THRB: variants seen among roughly 807,000 people sequenced by gnomAD.
The protein encoded by THRB is thyroid hormone receptor beta, also known as nuclear receptor subfamily 1 group A member 2.
Under a neutral mutation model 47.8 loss-of-function variants are expected in THRB, and 12 were observed. The ratio of observed to expected loss-of-function variants is 0.25; its 90% CI spans 0.16 to 0.41. The LOEUF (loss-of-function observed/expected upper bound fraction) is 0.41, where lower values mean the gene tolerates loss of function less well. Ranked by LOEUF, THRB falls within the 10% of genes least tolerant of loss-of-function variation. THRB has a pLI of 1.00. For missense variants in THRB, 348 were observed against 589.2 expected (o/e 0.59, Z 4.24); for synonymous variants, 218 against 212.2 (o/e 1.03, Z -0.24).
At chr3:24,343,669 C>T (rs2062827712) in intron 1 of THRB, among the ~76,000 whole-genome samples, 1 of 152,006 alleles carries the variant, frequency 6.6e-6, no homozygotes, top group Non-Finnish European at 1.5e-5. Flanking sequence ...TAATCAATTG[C>T]AATCTTTCTT....
At chr3:24,222,668 C>T (rs964703019) in intron 4 of THRB, among the ~76,000 whole-genome samples, 1 of 152,166 alleles carries the variant, frequency 6.6e-6, no homozygotes, top group African/African-American at 2.4e-5. Flanking sequence ...AAGACAGATG[C>T]TTCCTTTCTA....
At chr3:24,492,070 A>C (rs142483126) in intron 1 of THRB, among the ~76,000 whole-genome samples, 1 of 152,256 alleles carries the variant, frequency 6.6e-6, no homozygotes, top group Non-Finnish European at 1.5e-5. Context: ...ACATGCACAC[A>C]CAGAATAGAT....
chr3:24,269,399 G>GCACA lies in THRB; in HGVS notation c.-43+27826_-43+27827insTGTG, dbSNP rs1173031504. On this transcript the variant is annotated intron_variant, in intron 3 of 10. Transcript: ENST00000646209. ...CATCATAGCTCACACGCGCGCGCGC[G>GCACA]CGCGCACACACACACACACACACAC... is the stretch of plus-strand genomic sequence containing the variant. Among the ~76,000 whole-genome samples, 68 of 89,870 alleles carry GCACA rather than the reference G, an allele frequency of 7.6e-4. 1 individual carries two copies. Among genetic ancestry groups the GCACA allele is most frequent in the African/African-American group, 2.8e-3 (65 of 22,856 alleles). The allele number at this position is 89,870 out of a possible 152,430, so 59.0% of individuals were successfully genotyped here. A position where few individuals can be genotyped will look rare whatever the true frequency, so the allele number is the denominator to read the frequency against.
intron 4 of THRB, among the ~76,000 whole-genome samples, chr3:24,227,601 C>T (rs917173557): frequency 2.6e-5 from 4 of 152,140 alleles, no homozygotes; most frequent in African/African-American, 9.7e-5. Flanking sequence ...GGTAGAGAGG[C>T]TGGGCAAAGA....
At chr3:24,312,349 C>T (rs1375588698) in intron 2 of THRB, among the ~76,000 whole-genome samples, 1 of 152,200 alleles carries the variant, frequency 6.6e-6, no homozygotes, top group African/African-American at 2.4e-5. Flanking sequence ...TTTTCATCAT[C>T]ATAGCTCTTG....
Position 24,416,936 on chromosome 3 carries a change from C to T in THRB, c.-261+77716G>A, listed in dbSNP as rs150495817. Among the ~76,000 whole-genome samples the T allele has an allele frequency of 3.6e-3, 544 of 152,004 alleles. 2 individuals are homozygous for T. Among genetic ancestry groups the T allele is most frequent in the South Asian group, 0.012 (59 of 4,818 alleles). ...TGCTTTAGACGTTAATGTTTGTGAACATGGACTCAATTTGTCCAATAATTC... is the reference window on the plus strand; with the variant it reads ...TGCTTTAGACGTTAATGTTTGTGAATATGGACTCAATTTGTCCAATAATTC... On this transcript the variant is annotated intron_variant, in intron 1 of 10. Transcript: ENST00000646209.
Position 24,190,087 on chromosome 3 carries a change from C to T in THRB, c.270G>A (p.Glu90=). 5 of 1,614,044 alleles carry T rather than the reference C, an allele frequency of 3.1e-6. No homozygotes were observed. Among genetic ancestry groups the T allele is most frequent in the Non-Finnish European group, 4.2e-6 (5 of 1,179,898 alleles). ...AAATCTGGTTACCTTTACATTTCTT[C>T]TCCTCCGTTTGGAAGGTCTGGGCAC... The part of the protein sequence containing the change: ...VSSAQTFQTE[E]KKCKGYIPSY... The change falls in exon 5 of 11, where the codon GAG becomes GAA. Residue 90 remains glutamate (E), a synonymous_variant. Coordinates refer to ENST00000646209, the MANE Select transcript of THRB (RefSeq NM_001354712.2).
chr3:24,275,222 A>G (rs1047954701), intron 3 of THRB, among the ~76,000 whole-genome samples: 1 of 152,216 alleles, frequency 6.6e-6, no homozygotes, highest in Non-Finnish European at 1.5e-5. Flanking sequence ...TGCAAAAAAG[A>G]TTTATAGTCT....
chr3:24,142,093 C>G (rs769778264), intron 8 of THRB, among the ~76,000 whole-genome samples: 23 of 152,292 alleles, frequency 1.5e-4, no homozygotes, highest in Non-Finnish European at 2.8e-4. Context: ...GCCAAGATTG[C>G]ATAGGGTAGT....
At chr3:24,452,064 T>C (rs1195827170) in intron 1 of THRB, among the ~76,000 whole-genome samples, 1 of 152,126 alleles carries the variant, frequency 6.6e-6, no homozygotes, top group African/African-American at 2.4e-5. Flanking sequence ...GACTAGCCCT[T>C]AGCTAACAAC....
intron 3 of THRB, among the ~76,000 whole-genome samples, chr3:24,255,374 A>T (rs1287106073): frequency 6.6e-6 from 1 of 152,220 alleles, no homozygotes; most frequent in African/African-American, 2.4e-5. Flanking sequence ...ATATACATAT[A>T]CAATACAACA....
chr3:24,387,739 T>C (rs1414591294), intron 1 of THRB, among the ~76,000 whole-genome samples: 2 of 152,096 alleles, frequency 1.3e-5, no homozygotes, highest in African/African-American at 2.4e-5. Context: ...GCTCCAAATA[T>C]GGATTGTAGG....
chr3:24,395,076 G>A (rs551405878), intron 1 of THRB, among the ~76,000 whole-genome samples: 3 of 152,180 alleles, frequency 2.0e-5, no homozygotes, highest in South Asian at 4.1e-4. Flanking sequence ...ACATGCAGAA[G>A]AATGAAGCTG....
At chr3:24,173,599 A>G (rs2040737966) in intron 5 of THRB, among the ~76,000 whole-genome samples, 1 of 152,194 alleles carries the variant, frequency 6.6e-6, no homozygotes, top group Admixed American at 6.5e-5. Context: ...CCAACTCCAC[A>G]GCCAAACCTA....
At chr3:24,330,915 A>G (rs1283119222) in intron 2 of THRB, among the ~76,000 whole-genome samples, 1 of 152,254 alleles carries the variant, frequency 6.6e-6, no homozygotes, top group East Asian at 1.9e-4. Flanking sequence ...GGTGTCAAAC[A>G]CATAGTACCA....
At chr3:24,359,468 CTCAG>C (rs2063921033) in intron 1 of THRB, among the ~76,000 whole-genome samples, 2 of 152,128 alleles carry the variant, frequency 1.3e-5, no homozygotes, top group African/African-American at 4.8e-5. Flanking sequence ...GCTGTATTCT[CTCAG>C]TCAGTGAAGT....
Position 24,419,902 on chromosome 3 carries a change from T to C in THRB, c.-261+74750A>G, listed in dbSNP as rs148570890. ...CCCCAGGAAGAGTAGGTATTTATTA[T>C]CTCAACCATGGCACAGTCTGGAGGG... On this transcript the variant is annotated intron_variant, in intron 1 of 10. Transcript: ENST00000646209. 1.4e-4 allele frequency among the ~76,000 whole-genome samples: 21 copies of C among 151,936 alleles called. 1 individual carries two copies. In the East Asian group the frequency reaches 3.7e-3, roughly 27 times the overall value.
intron 2 of THRB, among the ~76,000 whole-genome samples, chr3:24,326,938 T>A (rs2061638136): frequency 6.6e-6 from 1 of 151,798 alleles, no homozygotes; most frequent in Admixed American, 6.6e-5. Context: ...CTAATTTTTG[T>A]ATTTGTAGTA....
intron 2 of THRB, among the ~76,000 whole-genome samples, chr3:24,322,489 C>G (rs2058549429): frequency 6.6e-6 from 1 of 152,112 alleles, no homozygotes; most frequent in African/African-American, 2.4e-5. Context: ...GTCTGATGGC[C>G]CCTCACTAGG....
Sources: gnomAD v4.1 joint callset for allele counts (sites outside exome capture counted in the v4.1 genomes callset) on GRCh38, gnomAD v4.1.1 for gene constraint, MANE v1.5 for transcripts, NCBI Gene and HGNC (gene_info 2026-07-23, HGNC 2026-07-21) for gene names.